PTPRT: variants seen among roughly 807,000 people sequenced by gnomAD.
PTPRT encodes the protein protein tyrosine phosphatase receptor type T, also known as receptor-type tyrosine-protein phosphatase T.
PTPRT carries 56 observed loss-of-function variants against 176.8 expected under a neutral mutation model. That is an observed-to-expected ratio of 0.32 (90% CI 0.26 to 0.40). The LOEUF is 0.40. PTPRT is among the 10% of genes least tolerant of loss of function. PTPRT has a pLI of 1.00. For missense variants in PTPRT, 1,540 were observed against 1,908.2 expected, an observed-to-expected ratio of 0.81 and a Z score of 3.60; for synonymous variants, 783 against 739.0, an observed-to-expected ratio of 1.06 and a Z score of -0.96.
chr20:42,818,189 C>T (rs2077823912), intron 2 of PTPRT, among the ~76,000 whole-genome samples: 1 of 152,090 alleles, frequency 6.6e-6, no homozygotes, highest in Non-Finnish European at 1.5e-5. Context: ...TGCTGCTCCC[C>T]AGCCTCCTTG....
At chr20:42,409,315 T>C (rs985951277) in intron 9 of PTPRT, among the ~76,000 whole-genome samples, 17 of 151,762 alleles carry the variant, frequency 1.1e-4, no homozygotes, top group African/African-American at 4.1e-4. Flanking sequence ...ACCCTGTCTC[T>C]ACTAAAAATA....
At chr20:43,128,846 C>A (rs2013544800) in intron 1 of PTPRT, among the ~76,000 whole-genome samples, 1 of 152,202 alleles carries the variant, frequency 6.6e-6, no homozygotes, top group Non-Finnish European at 1.5e-5. Flanking sequence ...CACAGCTGCC[C>A]ACACTGTAAG....
intron 7 of PTPRT, among the ~76,000 whole-genome samples, chr20:42,675,918 T>G (rs1285930553): frequency 6.6e-6 from 1 of 152,234 alleles, no homozygotes; most frequent in Non-Finnish European, 1.5e-5. Flanking sequence ...GTCATCTGCC[T>G]CATTAACAAT....
At chr20:43,173,836 C>T (rs1053947240) in intron 1 of PTPRT, among the ~76,000 whole-genome samples, 2 of 152,208 alleles carry the variant, frequency 1.3e-5, no homozygotes, top group African/African-American at 4.8e-5. Context: ...CTGGGAAAGA[C>T]AGTCTCTCTC....
At chr20:42,399,992 T>G (rs996870836) in intron 9 of PTPRT, among the ~76,000 whole-genome samples, 1 of 152,222 alleles carries the variant, frequency 6.6e-6, no homozygotes, top group Non-Finnish European at 1.5e-5. Context: ...TGAGTCCAGA[T>G]GTTCATTCCA....
chr20:42,696,465 T>TTA (rs1569091349), intron 6 of PTPRT, among the ~76,000 whole-genome samples: 12 of 79,996 alleles, frequency 1.5e-4, no homozygotes, highest in African/African-American at 5.6e-4. Context: ...ATTATTTTTT[T>TTA]TTTTTTTTGA....
chr20:42,748,364 T>A lies in PTPRT; in HGVS notation c.859+8098A>T, dbSNP rs563130325. ...GGGTGATATAGCCCTCCAGCTCCTC[T>A]TTACTTCTGAGGACTTGTGGAGAAC... is the stretch of plus-strand genomic sequence containing the variant. On this transcript the variant is annotated intron_variant, in intron 6 of 30. Transcript: ENST00000373187. Among the ~76,000 whole-genome samples, 12 of 152,262 alleles carry A rather than the reference T, an allele frequency of 7.9e-5. No individual in the cohort carries two copies. The South Asian group carries it at 2.1e-3, about 26-fold the overall frequency.
chr20:42,067,649 G>A, the PTPRT span, among the ~76,000 whole-genome samples: 165 of 152,262 alleles, frequency 1.1e-3, no homozygotes, highest in African/African-American at 3.8e-3. Flanking sequence ...CCAAACCTGA[G>A]CAGGAAATTA....
At chr20:42,570,832 T>A (rs1375549392) in intron 7 of PTPRT, among the ~76,000 whole-genome samples, 4 of 152,190 alleles carry the variant, frequency 2.6e-5, no homozygotes, top group African/African-American at 4.8e-5. Flanking sequence ...CATCACAAGA[T>A]CTTTAACTTA....
intron 6 of PTPRT, among the ~76,000 whole-genome samples, chr20:42,682,652 G>C (rs964752172): frequency 6.6e-5 from 10 of 152,292 alleles, no homozygotes; most frequent in Middle Eastern, 3.4e-3. Flanking sequence ...GGCTGAGCTG[G>C]GAGATGACAT....
At position 42,782,684 on chromosome 20, in the gene PTPRT, A is replaced by C. The variant is rs946717033; in HGVS notation, c.487-2385T>G. Among the ~76,000 whole-genome samples the C allele has an allele frequency of 1.1e-4, 16 of 152,188 alleles. 1 individual carries two copies. The highest frequency in any genetic ancestry group is 2.4e-5 in the African/African-American group (1 of 41,442). On this transcript the variant is annotated intron_variant, in intron 3 of 30. Transcript: ENST00000373187. ...TTGTATGCTATAAGATAAACACCTA[A>C]AACAGAATGACTGCACAACATTAAA...
intron 13 of PTPRT, among the ~76,000 whole-genome samples, chr20:42,262,458 AT>A (rs1307569279): frequency 1.3e-5 from 2 of 152,174 alleles, no homozygotes; most frequent in Non-Finnish European, 2.9e-5. Context: ...GCTCCAGCAG[AT>A]TTGGGGGAGC....
chr20:42,749,970 C>T (rs76486668), intron 6 of PTPRT, among the ~76,000 whole-genome samples: 1,681 of 152,132 alleles, frequency 0.011, 11 homozygotes, highest in Non-Finnish European at 0.018. Flanking sequence ...AATGTAGGCT[C>T]CAGGTAGCTA....
In PTPRT at chr20:42,295,751, T is replaced by C. The variant is rs114323423; in HGVS notation, c.2140-13226A>G. Among the ~76,000 whole-genome samples, 732 of 152,336 alleles carry C rather than the reference T, an allele frequency of 4.8e-3. 4 individuals are homozygous for C. Among genetic ancestry groups the C allele is most frequent in the African/African-American group, 0.017 (702 of 41,580 alleles). Reference sequence around the variant, plus strand: ...TTTGTGTCTCCACCCAAATCTCATCTTGAATTGTAATCCCCATGTGTTGGG... The same window carrying C: ...TTTGTGTCTCCACCCAAATCTCATCCTGAATTGTAATCCCCATGTGTTGGG... On this transcript the variant is annotated intron_variant, in intron 12 of 30. Coordinates refer to ENST00000373187, the MANE Select transcript of PTPRT (RefSeq NM_007050.6).
At chr20:42,454,904 T>C (rs1216183306) in intron 8 of PTPRT, among the ~76,000 whole-genome samples, 1 of 152,190 alleles carries the variant, frequency 6.6e-6, no homozygotes, top group Non-Finnish European at 1.5e-5. Context: ...CAACTTGTTC[T>C]CCACGTAGAA....
intron 11 of PTPRT, among the ~76,000 whole-genome samples, chr20:42,322,831 A>C (rs868522358): frequency 6.6e-6 from 1 of 152,104 alleles, no homozygotes; most frequent in Admixed American, 6.5e-5. Flanking sequence ...CAACCTACAA[A>C]ATGGGAGAAA....
intron 6 of PTPRT, among the ~76,000 whole-genome samples, chr20:42,683,123 G>T (rs1382345722): frequency 2.6e-5 from 4 of 152,078 alleles, no homozygotes; most frequent in African/African-American, 9.7e-5. Context: ...GACCCTCCAG[G>T]TCTGTGGGAA....
At chr20:42,657,113 G>A (rs2075139002) in intron 7 of PTPRT, among the ~76,000 whole-genome samples, 1 of 152,028 alleles carries the variant, frequency 6.6e-6, no homozygotes, top group Admixed American at 6.6e-5. Flanking sequence ...GGTTTTATAA[G>A]GGTTTTCCCC....
rs140903840 is a variant in PTPRT, at chr20:42,508,288, G to A, written c.1154-35726C>T. ...GCGCCTGCTGAATAGCAGGAAAGGT[G>A]AATTCTAAGCTGTGGATTTTAATGC... On this transcript the variant is annotated intron_variant, in intron 7 of 30. Transcript: ENST00000373187. 2.6e-3 allele frequency among the ~76,000 whole-genome samples: 401 copies of A among 152,076 alleles called. 2 individuals are homozygous for A. The highest frequency in any genetic ancestry group is 8.8e-3 in the African/African-American group (364 of 41,518).
Sources: allele counts gnomAD v4.1 joint callset (sites outside exome capture counted in the v4.1 genomes callset), GRCh38; gene constraint gnomAD v4.1.1; transcripts MANE v1.5; gene names NCBI Gene and HGNC (gene_info 2026-07-23, HGNC 2026-07-21).